PDE1A: variants seen among roughly 807,000 people sequenced by gnomAD.
The protein encoded by PDE1A is phosphodiesterase 1A.
A neutral mutation model predicts 61.7 loss-of-function variants in PDE1A; 35 were observed. That is an observed-to-expected ratio of 0.57 (90% CI 0.43 to 0.75). The LOEUF (loss-of-function observed/expected upper bound fraction) is 0.75. PDE1A is among the 30% of genes least tolerant of loss of function. The pLI, the probability that PDE1A is intolerant of heterozygous loss-of-function variation, is 0.00. For synonymous variants in PDE1A, 232 were observed against 213.2 expected, an observed-to-expected ratio of 1.09 and a Z score of -0.77; for missense variants, 597 against 630.6, an observed-to-expected ratio of 0.95 and a Z score of 0.57.
At chr2:182,467,576 C>G (rs546375503) in intron 2 of PDE1A, among the ~76,000 whole-genome samples, 31 of 151,744 alleles carry the variant, frequency 2.0e-4, no homozygotes, top group Admixed American at 5.9e-4. Flanking sequence ...TATCCTGATT[C>G]CAAATCCAAA....
At chr2:182,298,677 G>A (rs1193424480) in intron 1 of PDE1A, among the ~76,000 whole-genome samples, 1 of 152,008 alleles carries the variant, frequency 6.6e-6, no homozygotes. Context: ...ATTACTTCCA[G>A]AAAAATAATT....
intron 1 of PDE1A, among the ~76,000 whole-genome samples, chr2:182,338,217 C>G (rs1175348923): frequency 6.6e-6 from 1 of 152,178 alleles, no homozygotes; most frequent in East Asian, 1.9e-4. Context: ...CATGTGAACC[C>G]TGACTCTAAC....
intron 1 of PDE1A, among the ~76,000 whole-genome samples, chr2:182,275,052 C>A (rs1201148521): frequency 2.6e-5 from 4 of 152,092 alleles, no homozygotes; most frequent in African/African-American, 9.7e-5. Flanking sequence ...TTAATTCTTG[C>A]AATTGATTAC....
chr2:182,624,995 T>A, the PDE1A span, among the ~76,000 whole-genome samples: 1 of 152,120 alleles, frequency 6.6e-6, no homozygotes, highest in Non-Finnish European at 1.5e-5. Context: ...TGTAATGGTA[T>A]TAAAAAGTGG....
the PDE1A span, among the ~76,000 whole-genome samples, chr2:182,682,689 A>G: frequency 2.0e-5 from 3 of 152,218 alleles, no homozygotes; most frequent in Admixed American, 6.5e-5. Context: ...CAAAACTTTT[A>G]CTATGTCAAG....
the PDE1A span, among the ~76,000 whole-genome samples, chr2:182,705,567 G>A: frequency 6.6e-6 from 1 of 151,940 alleles, no homozygotes; most frequent in Admixed American, 6.6e-5. Flanking sequence ...GTGGAGTGCA[G>A]TTGTGTGATC....
chr2:182,240,804 A>G (rs968760207), intron 2 of PDE1A, among the ~76,000 whole-genome samples: 3 of 152,218 alleles, frequency 2.0e-5, no homozygotes, highest in African/African-American at 7.2e-5. Context: ...ATGCTACTTC[A>G]TTGGATAAGT....
chr2:182,431,054 T>C (rs1703919958), upstream of PDE1A, among the ~76,000 whole-genome samples: 1 of 134,468 alleles, frequency 7.4e-6, no homozygotes, highest in South Asian at 2.6e-4. Flanking sequence ...CATGTATACA[T>C]ATGTAACTAA....
intron 2 of PDE1A, among the ~76,000 whole-genome samples, chr2:182,519,275 A>G (rs1330015096): frequency 1.3e-5 from 2 of 152,110 alleles, no homozygotes; most frequent in Admixed American, 1.3e-4. Flanking sequence ...ACTTATGGCC[A>G]AGTATATAAT....
At chr2:182,302,478 T>C (rs923084447) in intron 1 of PDE1A, among the ~76,000 whole-genome samples, 1 of 152,248 alleles carries the variant, frequency 6.6e-6, no homozygotes, top group African/African-American at 2.4e-5. Flanking sequence ...ATAACTTAAT[T>C]TAAAATACTT....
At chr2:182,243,548 A>G (rs997293901) in intron 2 of PDE1A, among the ~76,000 whole-genome samples, 1 of 152,190 alleles carries the variant, frequency 6.6e-6, no homozygotes, top group Non-Finnish European at 1.5e-5. Context: ...GGAGGCAAAC[A>G]TAGGTATAAG....
At chr2:182,547,232 G>T in the PDE1A span, among the ~76,000 whole-genome samples, 2 of 151,950 alleles carry the variant, frequency 1.3e-5, no homozygotes, top group East Asian at 2.0e-4. Context: ...TTTCCATCTC[G>T]TTGTTGGGTT....
At chr2:182,616,936 T>C in the PDE1A span, among the ~76,000 whole-genome samples, 1 of 152,096 alleles carries the variant, frequency 6.6e-6, no homozygotes, top group East Asian at 1.9e-4. Flanking sequence ...GTCCAGGGAG[T>C]GATGCCTTAT....
chr2:182,573,798 C>A, the PDE1A span, among the ~76,000 whole-genome samples: 6 of 147,380 alleles, frequency 4.1e-5, no homozygotes, highest in African/African-American at 1.5e-4. Flanking sequence ...ATATAAAATT[C>A]TAGTAATATC....
At chr2:182,449,039 A>T (rs891236665) in intron 2 of PDE1A, among the ~76,000 whole-genome samples, 1 of 112,170 alleles carries the variant, frequency 8.9e-6, no homozygotes, top group Non-Finnish European at 1.9e-5. Context: ...ACAGGATCAC[A>T]TCATACACAT....
At chr2:182,430,111 C>A (rs1703856413), upstream of PDE1A, among the ~76,000 whole-genome samples, 1 of 152,056 alleles carries the variant, frequency 6.6e-6, no homozygotes, top group East Asian at 1.9e-4. Flanking sequence ...ATGATATTAT[C>A]TCAATTTAAA....
At chr2:182,695,704 G>T in the PDE1A span, among the ~76,000 whole-genome samples, 2 of 136,550 alleles carry the variant, frequency 1.5e-5, no homozygotes, top group African/African-American at 5.5e-5. Context: ...AAAAGAAAAA[G>T]AAAAAAAAAG....
intron 2 of PDE1A, among the ~76,000 whole-genome samples, chr2:182,511,822 T>C (rs571077727): frequency 6.6e-6 from 1 of 152,212 alleles, no homozygotes; most frequent in African/African-American, 2.4e-5. Flanking sequence ...CAGTGGACAC[T>C]ACCACAGCTC....
At chr2:182,601,187 G>C in the PDE1A span, among the ~76,000 whole-genome samples, 1 of 152,208 alleles carries the variant, frequency 6.6e-6, no homozygotes, top group Non-Finnish European at 1.5e-5. Context: ...GCATGGAGCT[G>C]CAAGGGGTGT....
Sources: gnomAD v4.1 joint callset for allele counts (sites outside exome capture counted in the v4.1 genomes callset) on GRCh38, gnomAD v4.1.1 for gene constraint, MANE v1.5 for transcripts, NCBI Gene and HGNC (gene_info 2026-07-23, HGNC 2026-07-21) for gene names.